Variants in RYR3 observed in about 807,000 individuals in gnomAD.
The protein encoded by RYR3 is ryanodine receptor 3.
In RYR3, 207 loss-of-function variants were observed where a neutral mutation model predicts 584.3. The observed-to-expected ratio is 0.35, with a 90% CI of 0.32 to 0.40. RYR3 has a LOEUF of 0.40. Among genes scored for constraint, RYR3 ranks in the 10% least tolerant of loss-of-function variants. The probability of loss-of-function intolerance (pLI) is 1.00; values close to 1 mark genes in which losing one functional copy is unlikely to be tolerated. For synonymous variants in RYR3, 2,416 were observed against 2,248.5 expected (o/e 1.07, Z -2.11); for missense variants, 5,616 against 6,089.2 (o/e 0.92, Z 2.59).
At chr15:33,610,944 T>C (rs2060151023) in intron 18 of RYR3, among the ~76,000 whole-genome samples, 1 of 152,202 alleles carries the variant, frequency 6.6e-6, no homozygotes, top group East Asian at 1.9e-4. Context: ...GCTCAAAATG[T>C]TTCAGATTCT....
chr15:33,312,750 C>T (rs1233187782), intron 1 of RYR3, among the ~76,000 whole-genome samples: 1 of 152,170 alleles, frequency 6.6e-6, no homozygotes, highest in Non-Finnish European at 1.5e-5. Flanking sequence ...ATAGATGTCC[C>T]AGGGAGTTGA....
intron 1 of RYR3, among the ~76,000 whole-genome samples, chr15:33,356,990 G>C (rs750588087): frequency 4.6e-5 from 7 of 152,264 alleles, no homozygotes; most frequent in African/African-American, 1.7e-4. Flanking sequence ...CTCATGCTCT[G>C]TTCTCTTGGA....
intron 2 of RYR3, among the ~76,000 whole-genome samples, chr15:33,497,879 C>T (rs1406644289): frequency 6.6e-6 from 1 of 152,126 alleles, no homozygotes; most frequent in Non-Finnish European, 1.5e-5. Flanking sequence ...CACCCCTTCC[C>T]AGCCTCTAGT....
chr15:33,791,148 G>A (rs62010994), intron 67 of RYR3, among the ~76,000 whole-genome samples: 1 of 152,200 alleles, frequency 6.6e-6, no homozygotes, highest in Non-Finnish European at 1.5e-5. Context: ...GAAATGGGAC[G>A]CTAGCTAGAA....
chr15:33,704,800 G>T (rs570827696), intron 42 of RYR3, among the ~76,000 whole-genome samples: 1 of 152,132 alleles, frequency 6.6e-6, no homozygotes, highest in Non-Finnish European at 1.5e-5. Flanking sequence ...TGTGATTAAC[G>T]CAGGCCAGCA....
intron 19 of RYR3, among the ~76,000 whole-genome samples, chr15:33,617,303 T>A (rs1388487463): frequency 2.0e-5 from 3 of 151,838 alleles, no homozygotes; most frequent in African/African-American, 7.3e-5. Context: ...TCCCAGCTAC[T>A]TGGGAGGCTG....
chr15:33,498,341 C>T (rs747293672), intron 2 of RYR3, among the ~76,000 whole-genome samples: 5 of 152,190 alleles, frequency 3.3e-5, no homozygotes, highest in African/African-American at 7.2e-5. Context: ...GCATCCTCAT[C>T]AGCATTCGTG....
chr15:33,545,338 A>T (rs182126591), intron 8 of RYR3, among the ~76,000 whole-genome samples: 266 of 152,326 alleles, frequency 1.7e-3, no homozygotes, highest in Middle Eastern at 6.8e-3. Flanking sequence ...GGAAAGGCTC[A>T]GCAAGTGTTT....
intron 1 of RYR3, among the ~76,000 whole-genome samples, chr15:33,445,200 G>C (rs1370025717): frequency 6.6e-6 from 1 of 152,210 alleles, no homozygotes; most frequent in Non-Finnish European, 1.5e-5. Flanking sequence ...GGTGGTGAGA[G>C]CTTGGGCTAG....
intron 1 of RYR3, among the ~76,000 whole-genome samples, chr15:33,430,491 G>A (rs1370105405): frequency 1.3e-5 from 2 of 152,164 alleles, no homozygotes; most frequent in African/African-American, 4.8e-5. Context: ...CAGAAAGAAT[G>A]TTAGCACTGA....
intron 1 of RYR3, among the ~76,000 whole-genome samples, chr15:33,318,377 C>T (rs975147934): frequency 1.3e-5 from 2 of 152,230 alleles, no homozygotes; most frequent in Non-Finnish European, 2.9e-5. Flanking sequence ...TGGGATAAAG[C>T]ACTGTCTCAA....
rs2074669857 is a variant in RYR3 at position 33,785,769 on chromosome 15, G to A, written c.9376G>A (p.Glu3126Lys). 11 of 1,613,964 alleles carry A rather than the reference G, an allele frequency of 6.8e-6. No individual in the cohort carries two copies. Among genetic ancestry groups the A allele is most frequent in the Non-Finnish European group, 8.5e-6 (10 of 1,179,872 alleles). ...GGCCGAGTCAGGGGCCCGGTACACA[G>A]AGATGCCCCATGTCATCGAGGTGAT... ...DLAESGARYTEMPHVIEVILP... is the reference protein window; with the variant it reads ...DLAESGARYTKMPHVIEVILP... The change falls in exon 66 of 104, where the codon GAG becomes AAG. Residue 3126 changes from glutamate (E) to lysine (K), a missense_variant. Physicochemically the swap from Glu to Lys is moderately conservative, Grantham distance 56 (BLOSUM62 1). Coordinates refer to ENST00000634891, the MANE Select transcript of RYR3 (RefSeq NM_001036.6).
At chr15:33,597,198 G>C (rs1323666097) in intron 16 of RYR3, among the ~76,000 whole-genome samples, 1 of 152,188 alleles carries the variant, frequency 6.6e-6, no homozygotes, top group African/African-American at 2.4e-5. Flanking sequence ...ACACCTTACA[G>C]TATTTTGGCA....
At chr15:33,464,489 T>TATATATATATACACACACAC (rs1450450145) in intron 1 of RYR3, among the ~76,000 whole-genome samples, 2 of 67,452 alleles carry the variant, frequency 3.0e-5, no homozygotes, top group African/African-American at 1.7e-4. Context: ...TATATATATA[T>TATATATATATACACACACAC]ACACATATAT....
At chr15:33,600,676 G>A (rs1051462304) in intron 16 of RYR3, among the ~76,000 whole-genome samples, 4 of 151,968 alleles carry the variant, frequency 2.6e-5, no homozygotes. Context: ...GAAGGAGAGC[G>A]GGTAAAATAT....
At chr15:33,766,554 A>G (rs1208727863) in intron 60 of RYR3, among the ~76,000 whole-genome samples, 1 of 152,216 alleles carries the variant, frequency 6.6e-6, no homozygotes, top group Non-Finnish European at 1.5e-5. Context: ...TGTTTTCTTT[A>G]TCTACTTTTC....
chr15:33,521,658 A>T (rs2053993160), intron 3 of RYR3, among the ~76,000 whole-genome samples: 1 of 152,120 alleles, frequency 6.6e-6, no homozygotes, highest in Non-Finnish European at 1.5e-5. Flanking sequence ...TGATATGAGG[A>T]GACAGGAAGA....
At chr15:33,601,375 C>T in intron 16 of RYR3, 44 bp from the exon 17 acceptor site, 1 of 1,598,650 alleles carries the variant, frequency 6.3e-7, no homozygotes, top group Non-Finnish European at 8.5e-7. Context: ...GCCTGCTGTG[C>T]CCTCCTGGTG....
chr15:33,845,502 C>G (rs2078664056), intron 93 of RYR3, among the ~76,000 whole-genome samples: 1 of 152,172 alleles, frequency 6.6e-6, no homozygotes, highest in African/African-American at 2.4e-5. Flanking sequence ...AATCCATCTG[C>G]CTCGGCCTCC....
Sources: allele counts gnomAD v4.1 joint callset (sites outside exome capture counted in the v4.1 genomes callset), GRCh38; gene constraint gnomAD v4.1.1; transcripts MANE v1.5; gene names NCBI Gene and HGNC (gene_info 2026-07-23, HGNC 2026-07-21).